The following PHLDB2 variants were observed in gnomAD, a reference collection of about 807,000 sequenced individuals.
PHLDB2 encodes pleckstrin homology-like domain family B member 2.
Under a neutral mutation model 123.6 loss-of-function variants are expected in PHLDB2, and 71 were observed. The ratio of observed to expected loss-of-function variants is 0.57; its 90% confidence interval spans 0.47 to 0.70. PHLDB2 has a LOEUF of 0.70. PHLDB2 is among the 30% of genes least tolerant of loss of function. The pLI is 0.00. For synonymous variants in PHLDB2, 547 were observed against 541.6 expected (o/e 1.01, Z -0.14); for missense variants, 1,446 against 1,519.5 (o/e 0.95, Z 0.80).
chr3:111,924,408 C>A lies in PHLDB2; in HGVS notation c.2001+3989C>A, dbSNP rs887734575. The stretch of plus-strand genomic sequence containing the variant: ...GGCAGGATACTGCCCAGTGTGCTTA[C>A]GAATATTGTTGTTGGATTTTCCTGC... On this transcript the variant is annotated intron_variant, in intron 5 of 17. Transcript: ENST00000431670. 2.6e-5 allele frequency among the ~76,000 whole-genome samples: 4 copies of A among 152,240 alleles called. No homozygotes were observed. The East Asian group carries it at 7.7e-4, about 29-fold the overall frequency.
chr3:111,873,457 T>A (rs1411062541), intron 1 of PHLDB2, among the ~76,000 whole-genome samples: 1 of 152,208 alleles, frequency 6.6e-6, no homozygotes, highest in Non-Finnish European at 1.5e-5. Context: ...TCGAGTATAT[T>A]AATGTATTTT....
chr3:111,871,905 G>A (rs1246672402), intron 1 of PHLDB2, among the ~76,000 whole-genome samples: 1 of 152,134 alleles, frequency 6.6e-6, no homozygotes, highest in East Asian at 1.9e-4. Context: ...CCCTAAGTTG[G>A]TTTTTCAGGT....
At chr3:111,738,360 T>A (rs1450225247) in intron 1 of PHLDB2, among the ~76,000 whole-genome samples, 1 of 152,230 alleles carries the variant, frequency 6.6e-6, no homozygotes, top group Admixed American at 6.5e-5. Flanking sequence ...TCTGTGGCTT[T>A]ATGCCAATTT....
chr3:111,864,164 C>G (rs1337308883), intron 1 of PHLDB2, among the ~76,000 whole-genome samples: 4 of 152,114 alleles, frequency 2.6e-5, no homozygotes, highest in Non-Finnish European at 5.9e-5. Flanking sequence ...AGTGATAGCC[C>G]TTTTAAGGGA....
rs867983409 is a variant in PHLDB2, at chr3:111,935,347, T to C, written c.2130+2950T>C. Among the ~76,000 whole-genome samples the C allele has an allele frequency of 2.0e-5, 3 of 152,188 alleles. No individual in the cohort carries two copies. In the South Asian group the frequency reaches 6.2e-4, roughly 32 times the overall value. The stretch of plus-strand genomic sequence containing the variant: ...TTCAGTGATCTACAATTAAAAGACC[T>C]TTTTACTGTCACTGGCTATAAAATT... On this transcript the variant is annotated intron_variant, in intron 6 of 17. Transcript: ENST00000431670.
At chr3:111,747,363 T>G (rs2059697256) in intron 1 of PHLDB2, among the ~76,000 whole-genome samples, 1 of 152,102 alleles carries the variant, frequency 6.6e-6, no homozygotes, top group Admixed American at 6.5e-5. Flanking sequence ...GTAAATGCCT[T>G]AAGGTATTAT....
chr3:111,808,888 A>G (rs2061713099), intron 1 of PHLDB2, among the ~76,000 whole-genome samples: 1 of 152,222 alleles, frequency 6.6e-6, no homozygotes, highest in African/African-American at 2.4e-5. Flanking sequence ...TTTATATAGC[A>G]TCCATTTAGA....
chr3:111,882,186 C>G (rs1454600564), intron 1 of PHLDB2, among the ~76,000 whole-genome samples: 1 of 151,832 alleles, frequency 6.6e-6, no homozygotes, highest in Non-Finnish European at 1.5e-5. Context: ...TGGTATTTTC[C>G]CATTCTAATA....
upstream of PHLDB2, among the ~76,000 whole-genome samples, chr3:111,855,319 G>A (rs569985961): frequency 3.0e-4 from 46 of 152,218 alleles, no homozygotes; most frequent in South Asian, 4.2e-4. Flanking sequence ...ATGGCAGAGC[G>A]CAGGCAGGAC....
chr3:111,880,663 T>C (rs756380076), intron 1 of PHLDB2, among the ~76,000 whole-genome samples: 162 of 138,994 alleles, frequency 1.2e-3, no homozygotes, highest in African/African-American at 4.3e-3. Context: ...TCCTTACTAG[T>C]GAATGTCCTT....
intron 1 of PHLDB2, among the ~76,000 whole-genome samples, chr3:111,805,920 AT>A (rs1453336499): frequency 6.6e-6 from 1 of 150,872 alleles, no homozygotes; most frequent in Non-Finnish European, 1.5e-5. Flanking sequence ...AGAAGACTAC[AT>A]TTTGTATTAT....
intron 2 of PHLDB2, among the ~76,000 whole-genome samples, chr3:111,890,614 C>T (rs1000083637): frequency 3.9e-5 from 6 of 152,068 alleles, no homozygotes; most frequent in African/African-American, 1.2e-4. Flanking sequence ...AGCATAATAT[C>T]TGTAATATTT....
intron 1 of PHLDB2, among the ~76,000 whole-genome samples, chr3:111,879,251 G>A (rs759569295): frequency 2.6e-5 from 4 of 152,044 alleles, no homozygotes; most frequent in East Asian, 1.9e-4. Flanking sequence ...TTCTATTCAG[G>A]GTTTGACCTC....
At chr3:111,916,996 T>C (rs553723936) in intron 3 of PHLDB2, 1 of 152,362 alleles carries the variant, frequency 6.6e-6, no homozygotes, top group Non-Finnish European at 1.5e-5. Context: ...AATTACAATG[T>C]TCTCTGTCAC....
At chr3:111,883,958 G>A in intron 1 of PHLDB2, 106 bp from the exon 2 acceptor site, 1 of 1,032,894 alleles carries the variant, frequency 9.7e-7, no homozygotes. Context: ...TTTGTTAGTT[G>A]CATTAGGTCA....
intron 1 of PHLDB2, among the ~76,000 whole-genome samples, chr3:111,860,223 T>C (rs931598101): frequency 1.3e-5 from 2 of 152,182 alleles, no homozygotes; most frequent in African/African-American, 4.8e-5. Flanking sequence ...CTGGATGGTG[T>C]AGGGCGCGGG....
chr3:111,765,788 A>G (rs2060068956), intron 1 of PHLDB2, among the ~76,000 whole-genome samples: 1 of 152,210 alleles, frequency 6.6e-6, no homozygotes, highest in Non-Finnish European at 1.5e-5. Context: ...GTGAAAAAAT[A>G]TGTTCCCATT....
At chr3:111,960,349 A>C (rs549754572) in intron 12 of PHLDB2, among the ~76,000 whole-genome samples, 11 of 152,324 alleles carry the variant, frequency 7.2e-5, no homozygotes, top group African/African-American at 2.2e-4. Context: ...CCTTAGCTAA[A>C]TGCTATATGG....
intron 1 of PHLDB2, among the ~76,000 whole-genome samples, chr3:111,808,688 T>G (rs1282169574): frequency 1.3e-5 from 2 of 152,168 alleles, no homozygotes; most frequent in Non-Finnish European, 2.9e-5. Flanking sequence ...AAATACAATC[T>G]GCATGGACTG....
Sources: gnomAD v4.1 joint callset for allele counts (sites outside exome capture counted in the v4.1 genomes callset) on GRCh38, gnomAD v4.1.1 for gene constraint, MANE v1.5 for transcripts, NCBI Gene and HGNC (gene_info 2026-07-23, HGNC 2026-07-21) for gene names.